ARPC4: variants seen among roughly 807,000 people sequenced by gnomAD.
ARPC4 encodes actin related protein 2/3 complex subunit 4.
Under a neutral mutation model 22.8 loss-of-function variants are expected in ARPC4, and 3 were observed. The observed-to-expected ratio is 0.13, with a 90% CI of 0.06 to 0.34. The LOEUF is 0.34. Among genes scored for constraint, ARPC4 ranks in the 10% least tolerant of loss-of-function variants. The pLI is 1.00. For missense variants in ARPC4, 98 were observed against 211.0 expected (o/e 0.46, Z 3.32); for synonymous variants, 80 against 72.5 (o/e 1.10, Z -0.52).
chr3:9,802,462 G>A (rs2079030790), intron 4 of ARPC4, among the ~76,000 whole-genome samples: 2 of 146,444 alleles, frequency 1.4e-5, no homozygotes, highest in African/African-American at 5.0e-5. Flanking sequence ...TGCAAGCTCC[G>A]CCTCCCGGGT....
At chr3:9,796,940 CAAAAAA>C (rs374104136) in intron 1 of ARPC4, among the ~76,000 whole-genome samples, 5 of 114,724 alleles carry the variant, frequency 4.4e-5, no homozygotes, top group Non-Finnish European at 5.2e-5. Context: ...GACTCTGTCT[CAAAAAA>C]AAAAAAAAAA....
chr3:9,804,095 G>T, intron 5 of ARPC4, 82 bp downstream of exon 5: 3 of 1,504,654 alleles, frequency 2.0e-6, no homozygotes, highest in Non-Finnish European at 2.7e-6. Context: ...GGTGGGAAAG[G>T]GGTCCAAGCA....
chr3:9,793,056 A>G (rs753913497), upstream of ARPC4: 29 of 1,544,610 alleles, frequency 1.9e-5, no homozygotes, highest in Non-Finnish European at 2.4e-5. Flanking sequence ...GCTTCTCGCG[A>G]AAGGGCAGGC....
intron 1 of ARPC4, among the ~76,000 whole-genome samples, chr3:9,795,808 G>A (rs1211113768): frequency 6.6e-6 from 1 of 152,184 alleles, no homozygotes; most frequent in Non-Finnish European, 1.5e-5. Flanking sequence ...ACAAAGGCAT[G>A]AAGGAGGGCA....
chr3:9,798,107 T>A, intron 2 of ARPC4: 1 of 190,358 alleles, frequency 5.3e-6, no homozygotes, highest in Non-Finnish European at 1.1e-5. Context: ...TGAGATTCCA[T>A]CTCCATACTT....
At chr3:9,805,175 ACAAT>A (rs2079083290) in intron 5 of ARPC4, among the ~76,000 whole-genome samples, 3 of 152,326 alleles carry the variant, frequency 2.0e-5, no homozygotes, top group Admixed American at 2.0e-4. Flanking sequence ...CACTCACTCA[ACAAT>A]CATTTACTTA....
chr3:9,806,554 T>C lies in ARPC4; in HGVS notation c.*339T>C, dbSNP rs191227373. On this transcript the variant is annotated 3_prime_UTR_variant, in exon 6 of 6. Coordinates refer to ENST00000397261, the MANE Select transcript of ARPC4 (RefSeq NM_005718.5). Reference sequence around the variant, plus strand: ...TTTTTTTTTAAACCTCCACCTCCAGTGGCTGTGACTGGTCCCAGTGATTAT... The same window carrying C: ...TTTTTTTTTAAACCTCCACCTCCAGCGGCTGTGACTGGTCCCAGTGATTAT... The C allele has an allele frequency of 1.2e-4, 43 of 373,440 alleles. No homozygotes were observed. Among genetic ancestry groups the C allele is most frequent in the African/African-American group, 8.5e-4 (39 of 45,648 alleles). 23.1% of individuals were successfully genotyped at this position (373,440 alleles called of 1,614,324 possible).
chr3:9,796,667 T>C lies in ARPC4; in HGVS notation c.4-992T>C, dbSNP rs188520071. On this transcript the variant is annotated intron_variant, in intron 1 of 5. Coordinates refer to ENST00000397261, the MANE Select transcript of ARPC4 (RefSeq NM_005718.5). The stretch of plus-strand genomic sequence containing the variant: ...TAAGAATGTCCTTATTCTGGCAGGG[T>C]GTGGTGGCTCACGCCTGTAAACCCA... 4.0e-3 allele frequency among the ~76,000 whole-genome samples: 608 copies of C among 151,712 alleles called. 4 individuals carry two copies. Among genetic ancestry groups the C allele is most frequent in the South Asian group, 0.013 (60 of 4,776 alleles).
At chr3:9,804,610 C>T (rs916559154) in intron 5 of ARPC4, among the ~76,000 whole-genome samples, 1 of 152,160 alleles carries the variant, frequency 6.6e-6, no homozygotes, top group African/African-American at 2.4e-5. Flanking sequence ...TTTAGATATT[C>T]AGAACATGCC....
chr3:9,797,638 CCT>C lies in ARPC4; in HGVS notation c.4-18_4-17del. ...CGTGACAGATTTTGATCTTCCCTTT[CCT>C]CTGTGTTATTTCCTATAGACTGCCA... On this transcript the variant is annotated intron_variant, in intron 1 of 5. Transcript: ENST00000397261. The C allele has an allele frequency of 6.2e-7, 1 of 1,607,162 alleles. No individual in the cohort carries two copies. Among genetic ancestry groups the C allele is most frequent in the Non-Finnish European group, 8.5e-7 (1 of 1,175,054 alleles).
chr3:9,795,863 AGATG>A (rs2078871410), intron 1 of ARPC4, among the ~76,000 whole-genome samples: 2 of 152,350 alleles, frequency 1.3e-5, no homozygotes, highest in East Asian at 1.9e-4. Context: ...TAGGAGGCCG[AGATG>A]GGCGGGTCAC....
At chr3:9,804,042 A>G (rs767438900) in intron 5 of ARPC4, 29 bp downstream of exon 5, 6 of 1,609,954 alleles carry the variant, frequency 3.7e-6, no homozygotes, top group Non-Finnish European at 5.1e-6. Flanking sequence ...CTTTCCTTCC[A>G]GAGGCCAGAG....
At position 9,799,830 on chromosome 3, in the gene ARPC4, A is replaced by G. The variant is rs143882281; in HGVS notation, c.123-355A>G. On this transcript the variant is annotated intron_variant, in intron 2 of 5. Transcript: ENST00000397261. ...AGCTATCTTTTGTAAAGCTCCTACT[A>G]TGTGCCAGGCACGCTATTAGACATT... 6.4e-4 allele frequency: 302 copies of G among 469,646 alleles called. 4 individuals carry two copies. The highest frequency in any genetic ancestry group is 5.5e-3 in the East Asian group (86 of 15,566). The allele number at this position is 469,646 out of a possible 1,614,324, so 29.1% of individuals were successfully genotyped here.
chr3:9,793,313 T>C, intron 1 of ARPC4, 189 bp downstream of exon 1: 2 of 1,170,362 alleles, frequency 1.7e-6, no homozygotes, highest in Non-Finnish European at 2.3e-6. Context: ...GTGGGGGTAC[T>C]CCCTGGTATG....
Position 9,806,321 on chromosome 3 carries a change from T to C in ARPC4, c.*106T>C. ...AGCGCGGCGGCGGCAGGGAGTTGGG[T>C]TGGGGTGGGCATTTGATGCGGGAGG... On this transcript the variant is annotated 3_prime_UTR_variant, in exon 6 of 6. Coordinates refer to ENST00000397261, the MANE Select transcript of ARPC4 (RefSeq NM_005718.5). 1 of 1,341,724 alleles carries C rather than the reference T, an allele frequency of 7.5e-7. No individual in the cohort carries two copies. The highest frequency in any genetic ancestry group is 1.2e-5 in the South Asian group (1 of 85,598). The allele number at this position is 1,341,724 out of a possible 1,614,324, so 83.1% of individuals were successfully genotyped here.
intron 1 of ARPC4, among the ~76,000 whole-genome samples, chr3:9,796,785 C>G (rs796878301): frequency 1.5e-4 from 22 of 151,690 alleles, no homozygotes; most frequent in African/African-American, 5.1e-4. Flanking sequence ...ACTAAAAATA[C>G]AAAAAGTTAG....
At chr3:9,800,033 C>T (rs1305353765) in intron 2 of ARPC4, 152 bp from the exon 3 acceptor site, 6 of 748,084 alleles carry the variant, frequency 8.0e-6, no homozygotes, top group Non-Finnish European at 1.1e-5. Context: ...CTGAAGAACA[C>T]ACTCACTGGC....
chr3:9,804,919 T>C (rs930042043), intron 5 of ARPC4, among the ~76,000 whole-genome samples: 1 of 152,250 alleles, frequency 6.6e-6, no homozygotes, highest in Non-Finnish European at 1.5e-5. Flanking sequence ...CACCGCCTAC[T>C]CAGGCATGTC....
intron 1 of ARPC4, among the ~76,000 whole-genome samples, chr3:9,794,266 G>C (rs150441704): frequency 1.3e-5 from 2 of 152,194 alleles, no homozygotes; most frequent in South Asian, 4.1e-4. Context: ...TTGGGAGGCA[G>C]AGGCGGGCGG....
Sources: allele counts gnomAD v4.1 joint callset (sites outside exome capture counted in the v4.1 genomes callset), GRCh38; gene constraint gnomAD v4.1.1; transcripts MANE v1.5; gene names NCBI Gene and HGNC (gene_info 2026-07-23, HGNC 2026-07-21).